PMEPA1: variants seen among roughly 807,000 people sequenced by gnomAD.
PMEPA1 encodes protein TMEPAI.
PMEPA1 carries 11 observed loss-of-function variants against 23.0 expected under a neutral mutation model. The observed-to-expected ratio is 0.48, with a 90% CI of 0.30 to 0.79. The LOEUF is 0.79. Among genes scored for constraint, PMEPA1 ranks in the 30% least tolerant of loss-of-function variants. The probability of loss-of-function intolerance (pLI) is 0.06; values close to 1 mark genes in which losing one functional copy is unlikely to be tolerated. For missense variants in PMEPA1, 377 were observed against 390.9 expected (o/e 0.96, Z 0.30); for synonymous variants, 204 against 166.4 (o/e 1.23, Z -1.74).
chr20:57,665,104 A>G (rs1050317468), intron 1 of PMEPA1, among the ~76,000 whole-genome samples: 5 of 152,216 alleles, frequency 3.3e-5, no homozygotes, highest in Non-Finnish European at 1.5e-5. Flanking sequence ...CAGGGGACAG[A>G]GCAGGAGAGG....
chr20:57,709,971 G>C lies in PMEPA1; in HGVS notation c.-389C>G. The C allele has an allele frequency of 2.5e-5, 25 of 993,806 alleles. No individual in the cohort carries two copies. The highest frequency in any genetic ancestry group is 3.0e-5 in the Non-Finnish European group (25 of 836,052). 61.6% of individuals were successfully genotyped at this position (993,806 alleles called of 1,614,324 possible). On this transcript the variant is annotated 5_prime_UTR_variant, in exon 1 of 4. Transcript: ENST00000341744. ...TCCTCATTCAAGTCCAAGGAGATCG[G>C]GTTTCGCTCCGAGACCGCGGTCGGA...
chr20:57,691,730 G>A (rs888320849), intron 1 of PMEPA1: 7 of 152,284 alleles, frequency 4.6e-5, no homozygotes, highest in Non-Finnish European at 8.8e-5. Flanking sequence ...AAGAAGCTGC[G>A]AGCTAAGGCT....
chr20:57,661,926 C>CG (rs76514454), intron 1 of PMEPA1, among the ~76,000 whole-genome samples: 69,350 of 150,884 alleles, frequency 0.46, 16,467 homozygotes, highest in African/African-American at 0.58. Flanking sequence ...TCTGTGCCAC[C>CG]CTCAGCGCGC....
chr20:57,652,669 C>T lies in PMEPA1; in HGVS notation c.319-71G>A. 1 of 1,255,238 alleles carries T rather than the reference C, an allele frequency of 8.0e-7. No individual in the cohort carries two copies. Among genetic ancestry groups the T allele is most frequent in the Non-Finnish European group, 1.1e-6 (1 of 934,006 alleles). 77.8% of individuals were successfully genotyped at this position (1,255,238 alleles called of 1,614,324 possible). A position where few individuals can be genotyped will look rare whatever the true frequency, so the allele number is the denominator to read the frequency against. ...GGGTTGTCCAGAAGCGATCCTGAGA[C>T]TGGAGTTCTGCTGCATGGGACTTGG... On this transcript the variant is annotated intron_variant, in intron 3 of 3. Coordinates refer to ENST00000341744, the MANE Select transcript of PMEPA1 (RefSeq NM_020182.5). This position sits in a 1 kb window ranked among gnomAD's most constrained non-coding sequence, Gnocchi z 6.1.
chr20:57,664,930 A>G (rs555470002), intron 1 of PMEPA1, among the ~76,000 whole-genome samples: 11 of 152,206 alleles, frequency 7.2e-5, no homozygotes, highest in Non-Finnish European at 1.3e-4. Context: ...ATCCTGCCTC[A>G]GTTTCCCTAA....
At chr20:57,678,889 A>T (rs1324131765) in intron 1 of PMEPA1, among the ~76,000 whole-genome samples, 1 of 152,178 alleles carries the variant, frequency 6.6e-6, no homozygotes, top group African/African-American at 2.4e-5. Context: ...TCCCAAAAGG[A>T]TGTCCCAAAC....
In PMEPA1 at chr20:57,652,690, C is replaced by T. The variant is rs2071267473; in HGVS notation, c.319-92G>A. On this transcript the variant is annotated intron_variant, in intron 3 of 3. Coordinates refer to ENST00000341744, the MANE Select transcript of PMEPA1 (RefSeq NM_020182.5). This position sits in a 1 kb window ranked among gnomAD's most constrained non-coding sequence, Gnocchi z 6.1. The stretch of plus-strand genomic sequence containing the variant: ...GAGACTGGAGTTCTGCTGCATGGGA[C>T]TTGGCTCTCTGGGGAAAGGGAGAGG... 8.8e-6 allele frequency: 10 copies of T among 1,141,972 alleles called. No individual in the cohort carries two copies. The highest frequency in any genetic ancestry group is 5.2e-5 in the East Asian group (2 of 38,524). The allele number at this position is 1,141,972 out of a possible 1,614,324, so 70.7% of individuals were successfully genotyped here. A position where few individuals can be genotyped will look rare whatever the true frequency, so the allele number is the denominator to read the frequency against.
At chr20:57,659,366 G>A (rs908684271) in intron 2 of PMEPA1, among the ~76,000 whole-genome samples, 177 bp downstream of exon 2, 1 of 152,172 alleles carries the variant, frequency 6.6e-6, no homozygotes, top group Non-Finnish European at 1.5e-5. Context: ...CCCGCCTGGC[G>A]GGTGCTTTCC....
At chr20:57,664,289 G>A (rs1355239175) in intron 1 of PMEPA1, among the ~76,000 whole-genome samples, 1 of 152,116 alleles carries the variant, frequency 6.6e-6, no homozygotes, top group African/African-American at 2.4e-5. Flanking sequence ...ACCACCCCAG[G>A]GATGCCTGAG....
intron 1 of PMEPA1, among the ~76,000 whole-genome samples, chr20:57,677,277 C>T (rs1049730335): frequency 3.3e-5 from 5 of 152,118 alleles, no homozygotes; most frequent in Non-Finnish European, 7.4e-5. Flanking sequence ...GAACTATGGC[C>T]CCGTCTCATT....
intron 1 of PMEPA1, among the ~76,000 whole-genome samples, chr20:57,677,251 G>C (rs1479382104): frequency 6.6e-6 from 1 of 152,176 alleles, no homozygotes; most frequent in Admixed American, 6.5e-5. Context: ...CCACTTCCTT[G>C]TCTGTACCAT....
intron 1 of PMEPA1, among the ~76,000 whole-genome samples, chr20:57,696,406 C>A (rs2071943605): frequency 6.6e-6 from 1 of 152,204 alleles, no homozygotes; most frequent in East Asian, 1.9e-4. Context: ...GTGACTCTCC[C>A]TCCCACCCTG....
chr20:57,673,968 C>T (rs1189905661), intron 1 of PMEPA1, among the ~76,000 whole-genome samples: 1 of 152,182 alleles, frequency 6.6e-6, no homozygotes, highest in African/African-American at 2.4e-5. Flanking sequence ...AAATGCCTCT[C>T]CCAAAGCCTG....
intron 1 of PMEPA1, among the ~76,000 whole-genome samples, chr20:57,666,626 T>C (rs1568968765): frequency 6.6e-6 from 1 of 152,012 alleles, no homozygotes; most frequent in Non-Finnish European, 1.5e-5. Flanking sequence ...GATCTTGGGG[T>C]CAGTAACAAG....
intron 1 of PMEPA1, among the ~76,000 whole-genome samples, chr20:57,669,075 T>TC (rs1314969279): frequency 6.6e-6 from 1 of 152,184 alleles, no homozygotes; most frequent in African/African-American, 2.4e-5. Context: ...CTCCATGGTG[T>TC]CCTCAGCACC....
rs565467917 is a variant in PMEPA1 at position 57,652,615 on chromosome 20, G to C, written c.319-17C>G. 28 of 1,452,340 alleles carry C rather than the reference G, an allele frequency of 1.9e-5. No individual in the cohort carries two copies. The highest frequency in any genetic ancestry group is 4.1e-4 in the Middle Eastern group (2 of 4,852). The allele number at this position is 1,452,340 out of a possible 1,614,324, so 90.0% of individuals were successfully genotyped here. ...GACCTGCGGCTGGAGGAAGCAGAGC[G>C]GGAGTGAGGGAGGGCGGCTGTCTCA... On this transcript the variant is annotated splice_polypyrimidine_tract_variant and intron_variant, in intron 3 of 3. Transcript: ENST00000341744. The surrounding 1 kb of genome is among the most constrained non-coding windows in gnomAD (Gnocchi z 6.1).
chr20:57,671,461 C>T (rs908326588), intron 1 of PMEPA1, among the ~76,000 whole-genome samples: 9 of 152,042 alleles, frequency 5.9e-5, no homozygotes, highest in African/African-American at 1.9e-4. Context: ...ACCTTTCAAC[C>T]CTGCAAGTTC....
At position 57,650,256 on chromosome 20, in the gene PMEPA1, C is replaced by G. The variant is rs1372949448; in HGVS notation, c.*1797G>C. The G allele has an allele frequency of 6.6e-6, 1 of 152,220 alleles. No individual in the cohort carries two copies. The highest frequency in any genetic ancestry group is 2.4e-5 in the African/African-American group (1 of 41,466). The allele number at this position is 152,220 out of a possible 1,614,324, so 9.4% of individuals were successfully genotyped here. A position where few individuals can be genotyped will look rare whatever the true frequency, so the allele number is the denominator to read the frequency against. The stretch of plus-strand genomic sequence containing the variant: ...AAACAATAGTTATTGCCTTTTATAT[C>G]TTTTATGTTAGTCTACTAGTCAGCA... On this transcript the variant is annotated 3_prime_UTR_variant, in exon 4 of 4. Transcript: ENST00000341744.
intron 1 of PMEPA1, among the ~76,000 whole-genome samples, chr20:57,684,216 G>A (rs568159445): frequency 2.0e-5 from 3 of 151,862 alleles, no homozygotes; most frequent in Non-Finnish European, 4.4e-5. Context: ...GGAGGCGGGT[G>A]GAAATTTATG....
Sources: gnomAD v4.1 joint callset for allele counts (sites outside exome capture counted in the v4.1 genomes callset) on GRCh38, gnomAD v4.1.1 for gene constraint, Gnocchi (gnomAD v3.1) non-coding constraint, MANE v1.5 for transcripts, NCBI Gene and HGNC (gene_info 2026-07-23, HGNC 2026-07-21) for gene names.